The following SLC14A2 variants were observed in gnomAD, a reference collection of about 807,000 sequenced individuals.
SLC14A2 encodes urea transporter 2.
In SLC14A2, 91 loss-of-function variants were observed where a neutral mutation model predicts 104.6. The observed-to-expected ratio is 0.87, with a 90% CI of 0.73 to 1.04. SLC14A2 has a LOEUF of 1.04. Among genes scored for constraint, SLC14A2 ranks in the 50% least tolerant of loss-of-function variants. The probability of loss-of-function intolerance (pLI) is 0.00; values close to 1 mark genes in which losing one functional copy is unlikely to be tolerated. For missense variants in SLC14A2, 1,189 were observed against 1,156.0 expected (o/e 1.03, Z -0.41); for synonymous variants, 476 against 466.4 (o/e 1.02, Z -0.27).
At chr18:45,373,063 G>A (rs191218149) in intron 1 of SLC14A2, among the ~76,000 whole-genome samples, 30 of 152,228 alleles carry the variant, frequency 2.0e-4, no homozygotes, top group East Asian at 5.8e-4. Flanking sequence ...CACTTCTGTC[G>A]CTTGTAGACT....
chr18:45,244,922 C>A (rs1208417406), intron 1 of SLC14A2, among the ~76,000 whole-genome samples: 2 of 152,154 alleles, frequency 1.3e-5, no homozygotes, highest in African/African-American at 4.8e-5. Flanking sequence ...CAATACCTAC[C>A]AATAAAGTGT....
At chr18:45,408,827 T>C (rs2086184003) in intron 1 of SLC14A2, among the ~76,000 whole-genome samples, 1 of 152,316 alleles carries the variant, frequency 6.6e-6, no homozygotes, top group East Asian at 1.9e-4. Flanking sequence ...TATGGATACA[T>C]GAGTTCAAGA....
chr18:45,214,409 C>T (rs1599578192), intron 1 of SLC14A2, among the ~76,000 whole-genome samples: 1 of 152,146 alleles, frequency 6.6e-6, no homozygotes, highest in Admixed American at 6.5e-5. Flanking sequence ...AAGGAAAGCC[C>T]TGTGCTTTCA....
intron 1 of SLC14A2, among the ~76,000 whole-genome samples, chr18:45,236,146 C>CATATATGTGTGTATATATGTGTGTAT (rs2084238284): frequency 6.3e-5 from 2 of 31,518 alleles, no homozygotes; most frequent in Admixed American, 3.9e-4. Context: ...TGTATATATA[C>CATATATGTGTGTATATATGTGTGTAT]ATATATGTGT....
intron 1 of SLC14A2, among the ~76,000 whole-genome samples, chr18:45,472,109 T>C (rs533845810): frequency 1.3e-5 from 2 of 152,210 alleles, no homozygotes; most frequent in South Asian, 4.2e-4. Context: ...CTCCCCCTTA[T>C]GAGTGAGAAT....
chr18:45,525,583 G>C (rs887670754), intron 2 of SLC14A2, among the ~76,000 whole-genome samples: 1 of 152,178 alleles, frequency 6.6e-6, no homozygotes, highest in African/African-American at 2.4e-5. Context: ...TTAAACACTA[G>C]TGATAAAAAT....
At chr18:45,280,661 AGG>A (rs2084753192) in intron 1 of SLC14A2, among the ~76,000 whole-genome samples, 1 of 152,058 alleles carries the variant, frequency 6.6e-6, no homozygotes, top group Non-Finnish European at 1.5e-5. Context: ...GCCCTCCTGG[AGG>A]CATTTGTCAT....
At chr18:45,442,015 C>T (rs1234635533) in intron 1 of SLC14A2, among the ~76,000 whole-genome samples, 2 of 152,120 alleles carry the variant, frequency 1.3e-5, no homozygotes, top group Non-Finnish European at 2.9e-5. Flanking sequence ...CTATTCCAGG[C>T]TGACAAGGAA....
At chr18:45,632,312 C>T in intron 4 of SLC14A2, 38 bp from the exon 5 acceptor site, 1 of 1,600,568 alleles carries the variant, frequency 6.2e-7, no homozygotes, top group Non-Finnish European at 8.5e-7. Context: ...AGTAACACCA[C>T]CAACTTCAAA....
At chr18:45,596,037 C>T (rs1010819589) in intron 2 of SLC14A2, among the ~76,000 whole-genome samples, 3 of 152,178 alleles carry the variant, frequency 2.0e-5, no homozygotes, top group Non-Finnish European at 4.4e-5. Context: ...CCACCCAGTA[C>T]GGACTGGAGG....
chr18:45,518,337 T>A (rs1048835844), intron 2 of SLC14A2, among the ~76,000 whole-genome samples: 6 of 152,172 alleles, frequency 3.9e-5, no homozygotes, highest in African/African-American at 9.7e-5. Flanking sequence ...AAATTACACA[T>A]CCATTGTTTA....
intron 1 of SLC14A2, among the ~76,000 whole-genome samples, chr18:45,330,620 A>G (rs1304099885): frequency 6.6e-6 from 1 of 152,216 alleles, no homozygotes; most frequent in Non-Finnish European, 1.5e-5. Flanking sequence ...GTTAGCACAC[A>G]TAGATCCTTT....
At chr18:45,615,836 T>TGAGAGAGA (rs779783446) in intron 1 of SLC14A2, among the ~76,000 whole-genome samples, 3 of 148,582 alleles carry the variant, frequency 2.0e-5, no homozygotes, top group African/African-American at 7.6e-5. Flanking sequence ...TGTGTGTGTG[T>TGAGAGAGA]GAGAGAGAGA....
At chr18:45,569,122 T>C (rs1043429468) in intron 2 of SLC14A2, among the ~76,000 whole-genome samples, 1 of 152,240 alleles carries the variant, frequency 6.6e-6, no homozygotes, top group African/African-American at 2.4e-5. Flanking sequence ...TAGGAGGGCA[T>C]GGGCCTTCAA....
At chr18:45,346,980 A>AAAATAAATAAAT (rs760123026) in intron 1 of SLC14A2, among the ~76,000 whole-genome samples, 86 of 111,336 alleles carry the variant, frequency 7.7e-4, no homozygotes, top group African/African-American at 4.0e-3. Context: ...AATAAAAATA[A>AAAATAAATAAAT]AAATAAATAA....
chr18:45,395,830 C>T (rs947472619), intron 1 of SLC14A2, among the ~76,000 whole-genome samples: 3 of 152,108 alleles, frequency 2.0e-5, no homozygotes, highest in Non-Finnish European at 4.4e-5. Context: ...AGGGATGTGC[C>T]TTTCAGATTT....
intron 1 of SLC14A2, among the ~76,000 whole-genome samples, chr18:45,293,134 G>A (rs1468446807): frequency 6.6e-6 from 1 of 152,106 alleles, no homozygotes; most frequent in Non-Finnish European, 1.5e-5. Context: ...CATATTTAAG[G>A]CAGTAATTAC....
chr18:45,207,279 G>A, the SLC14A2 span, among the ~76,000 whole-genome samples: 1 of 149,644 alleles, frequency 6.7e-6, no homozygotes, highest in Admixed American at 6.7e-5. Flanking sequence ...AGACATGAAG[G>A]AAAGAAGAGA....
intron 14 of SLC14A2, among the ~76,000 whole-genome samples, 156 bp downstream of exon 14, chr18:45,668,178 T>C (rs1490638625): frequency 6.6e-6 from 1 of 152,192 alleles, no homozygotes; most frequent in East Asian, 1.9e-4. Context: ...AACATATTTC[T>C]AGAGAAATAT....
Sources: allele counts gnomAD v4.1 joint callset (sites outside exome capture counted in the v4.1 genomes callset), GRCh38; gene constraint gnomAD v4.1.1; transcripts MANE v1.5; gene names NCBI Gene and HGNC (gene_info 2026-07-23, HGNC 2026-07-21).